The following ITFG1 variants were observed in gnomAD, a reference collection of about 807,000 sequenced individuals.
ITFG1 encodes the protein T-cell immunomodulatory protein.
ITFG1 carries 34 observed loss-of-function variants against 81.8 expected under a neutral mutation model. That is an observed-to-expected ratio of 0.42 (90% CI 0.32 to 0.55). The LOEUF is 0.55. Among genes scored for constraint, ITFG1 ranks in the 20% least tolerant of loss-of-function variants. The pLI is 0.17. For missense variants in ITFG1, 672 were observed against 755.4 expected (o/e 0.89, Z 1.29); for synonymous variants, 285 against 270.6 (o/e 1.05, Z -0.52).
At chr16:47,439,472 C>A (rs891922460) in intron 5 of ITFG1, among the ~76,000 whole-genome samples, 8 of 152,206 alleles carry the variant, frequency 5.3e-5, no homozygotes, top group African/African-American at 1.7e-4. Context: ...GGCCATCAGA[C>A]TAACAGCTGA....
intron 14 of ITFG1, among the ~76,000 whole-genome samples, chr16:47,171,806 A>G (rs1964966671): frequency 6.6e-6 from 1 of 152,056 alleles, no homozygotes; most frequent in Non-Finnish European, 1.5e-5. Flanking sequence ...CATTCATGCA[A>G]AGTAGTGGCT....
chr16:47,240,792 T>A (rs375951062), intron 12 of ITFG1, among the ~76,000 whole-genome samples: 6 of 152,322 alleles, frequency 3.9e-5, no homozygotes, highest in African/African-American at 1.4e-4. Context: ...AAATAAGCAG[T>A]CATTTATTGT....
At chr16:47,243,017 A>AAT (rs1965954220) in intron 12 of ITFG1, among the ~76,000 whole-genome samples, 1 of 152,166 alleles carries the variant, frequency 6.6e-6, no homozygotes, top group Non-Finnish European at 1.5e-5. Context: ...TTTATTTAAA[A>AAT]ATATATATGT....
intron 6 of ITFG1, among the ~76,000 whole-genome samples, chr16:47,395,319 C>A (rs1567485140): frequency 6.6e-6 from 1 of 151,914 alleles, no homozygotes; most frequent in East Asian, 1.9e-4. Flanking sequence ...ATTAAAGAGT[C>A]TAATTAGATA....
At chr16:47,430,362 G>A (rs749603271) in intron 5 of ITFG1, among the ~76,000 whole-genome samples, 8 of 151,946 alleles carry the variant, frequency 5.3e-5, no homozygotes, top group South Asian at 2.1e-4. Context: ...CACCATGCCC[G>A]GACATCTTTT....
intron 6 of ITFG1, among the ~76,000 whole-genome samples, chr16:47,399,700 G>T (rs1419658537): frequency 1.3e-5 from 2 of 152,048 alleles, no homozygotes; most frequent in African/African-American, 4.8e-5. Context: ...TAGTCTCATG[G>T]TCCCCTACAA....
In ITFG1 at chr16:47,460,907, A is replaced by T. The variant is rs956851864; in HGVS notation, c.139T>A (p.Trp47Arg). Residue 47 changes from tryptophan to arginine, a missense_variant, in exon 1 of 18, where the codon TGG (tryptophan) becomes AGG (arginine). Around this residue, in one of 3 missense-constraint regions of ITFG1, gnomAD observed 560 missense variants for 625.7 expected, o/e 0.90. Transcript: ENST00000320640. ...VTAELFGAEA[W>R]GTLAAFGDLN... ...TCCCCGAAAGCCGCAAGGGTGCCCC[A>T]GGCCTCGGCCCCAAAGAGCTCGGCC... The T allele has an allele frequency of 6.2e-7, 1 of 1,613,274 alleles. No homozygotes were observed. Among genetic ancestry groups the T allele is most frequent in the Non-Finnish European group, 8.5e-7 (1 of 1,179,946 alleles).
intron 14 of ITFG1, among the ~76,000 whole-genome samples, chr16:47,170,112 C>CA (rs1156454668): frequency 5.3e-5 from 8 of 152,118 alleles, no homozygotes; most frequent in Non-Finnish European, 1.2e-4. Context: ...ATTTTTGTAT[C>CA]AATATTCATA....
At chr16:47,329,965 C>T (rs539118207) in intron 8 of ITFG1, among the ~76,000 whole-genome samples, 3 of 152,204 alleles carry the variant, frequency 2.0e-5, no homozygotes, top group Admixed American at 6.6e-5. Flanking sequence ...AAGACAGTTG[C>T]TTTTACATAA....
chr16:47,427,635 G>T (rs1451857975), intron 6 of ITFG1, among the ~76,000 whole-genome samples: 4 of 151,032 alleles, frequency 2.6e-5, no homozygotes, highest in Non-Finnish European at 5.9e-5. Flanking sequence ...CCAAAAAAAA[G>T]AATTCTGATT....
intron 10 of ITFG1, among the ~76,000 whole-genome samples, chr16:47,287,734 G>C (rs548983336): frequency 6.6e-6 from 1 of 152,154 alleles, no homozygotes; most frequent in Non-Finnish European, 1.5e-5. Flanking sequence ...ATCCTAGTGA[G>C]TGTGAAGTGG....
At chr16:47,294,053 T>C (rs542327820) in intron 10 of ITFG1, among the ~76,000 whole-genome samples, 5 of 152,216 alleles carry the variant, frequency 3.3e-5, no homozygotes, top group Admixed American at 2.0e-4. Flanking sequence ...TGGTGAGATA[T>C]AGGGGTCTAG....
At chr16:47,258,802 C>T in intron 11 of ITFG1, 62 bp from the exon 12 acceptor site, 1 of 656,670 alleles carries the variant, frequency 1.5e-6, no homozygotes, top group Non-Finnish European at 2.5e-6. Context: ...AAAAAAATGA[C>T]CATTAAAATG....
chr16:47,443,998 C>G (rs1366624957), intron 5 of ITFG1, among the ~76,000 whole-genome samples: 1 of 152,080 alleles, frequency 6.6e-6, no homozygotes, highest in Admixed American at 6.6e-5. Context: ...TGCCATATAA[C>G]GTAATTCACA....
intron 10 of ITFG1, among the ~76,000 whole-genome samples, chr16:47,261,306 G>A (rs1440849060): frequency 6.6e-6 from 1 of 152,190 alleles, no homozygotes; most frequent in Non-Finnish European, 1.5e-5. Context: ...GTGGCCTTGA[G>A]TGAGTTATTT....
At chr16:47,358,692 T>A (rs945055035) in intron 8 of ITFG1, among the ~76,000 whole-genome samples, 1 of 152,228 alleles carries the variant, frequency 6.6e-6, no homozygotes, top group African/African-American at 2.4e-5. Context: ...TAAAAACCAT[T>A]TATAATATTT....
chr16:47,433,654 T>A (rs571243653), intron 5 of ITFG1, among the ~76,000 whole-genome samples: 2 of 151,728 alleles, frequency 1.3e-5, no homozygotes, highest in African/African-American at 4.8e-5. Flanking sequence ...CAGCTGATCC[T>A]TAAGAGTTTA....
At chr16:47,299,850 G>A (rs1967047102) in intron 10 of ITFG1, 1 of 152,422 alleles carries the variant, frequency 6.6e-6, no homozygotes, top group Non-Finnish European at 1.5e-5. Flanking sequence ...ATTCCAGGAT[G>A]GGGAGGTTCC....
chr16:47,449,236 A>G (rs1969359718), intron 5 of ITFG1: 1 of 152,246 alleles, frequency 6.6e-6, no homozygotes, highest in Non-Finnish European at 1.5e-5. Flanking sequence ...TGGGTTTGGC[A>G]TATCCATAAA....
Sources: allele counts gnomAD v4.1 joint callset (sites outside exome capture counted in the v4.1 genomes callset), GRCh38; gene constraint gnomAD v4.1.1; regional missense constraint gnomAD v4.1.1; transcripts MANE v1.5; gene names NCBI Gene and HGNC (gene_info 2026-07-23, HGNC 2026-07-21).